AGBL1: variants seen among roughly 807,000 people sequenced by gnomAD.
AGBL1 encodes cytosolic carboxypeptidase 4.
AGBL1 carries 130 observed loss-of-function variants against 118.9 expected under a neutral mutation model. The observed-to-expected ratio is 1.09, with a 90% CI of 0.95 to 1.26. The LOEUF is 1.26. Ranked by LOEUF, AGBL1 falls within the 50% of genes most tolerant of loss-of-function variation. The pLI, the probability that AGBL1 is intolerant of heterozygous loss-of-function variation, is 0.00. For synonymous variants in AGBL1, 555 were observed against 478.9 expected (o/e 1.16, Z -2.08); for missense variants, 1,584 against 1,298.1 (o/e 1.22, Z -3.38).
At chr15:86,885,528 C>T (rs1342719205) in intron 22 of AGBL1, among the ~76,000 whole-genome samples, 1 of 152,128 alleles carries the variant, frequency 6.6e-6, no homozygotes, top group Non-Finnish European at 1.5e-5. Flanking sequence ...ATTTAATAAA[C>T]ATAAATGCTT....
chr15:86,836,498 A>G (rs1947687451), intron 22 of AGBL1, among the ~76,000 whole-genome samples: 1 of 152,198 alleles, frequency 6.6e-6, no homozygotes, highest in South Asian at 2.1e-4. Flanking sequence ...CTTACCTTTC[A>G]GATTCTACTT....
At chr15:86,478,089 A>G (rs1371559875) in intron 18 of AGBL1, among the ~76,000 whole-genome samples, 2 of 152,154 alleles carry the variant, frequency 1.3e-5, no homozygotes, top group African/African-American at 2.4e-5. Flanking sequence ...TCTCAAAATA[A>G]TAAGAGCTAT....
chr15:86,560,545 G>A (rs2083802350), intron 21 of AGBL1, among the ~76,000 whole-genome samples: 1 of 152,172 alleles, frequency 6.6e-6, no homozygotes, highest in East Asian at 1.9e-4. Flanking sequence ...ATCATTGATG[G>A]ACATTTGGGT....
chr15:86,474,765 A>T (rs958208638), intron 18 of AGBL1, among the ~76,000 whole-genome samples: 1 of 152,226 alleles, frequency 6.6e-6, no homozygotes, highest in Non-Finnish European at 1.5e-5. Flanking sequence ...CTGAGAACGG[A>T]CAGACTGCCT....
intron 19 of AGBL1, among the ~76,000 whole-genome samples, chr15:86,543,455 G>A (rs771519011): frequency 3.3e-5 from 5 of 152,070 alleles, no homozygotes; most frequent in East Asian, 1.9e-4. Context: ...TTTTACTGTC[G>A]TGTGTTTCAT....
intron 7 of AGBL1, among the ~76,000 whole-genome samples, chr15:86,248,513 A>T (rs2078757592): frequency 6.6e-6 from 1 of 152,190 alleles, no homozygotes; most frequent in African/African-American, 2.4e-5. Flanking sequence ...AAGTCACTCA[A>T]CTTCTCTGGG....
intron 24 of AGBL1, among the ~76,000 whole-genome samples, chr15:87,007,500 A>G (rs543270686): frequency 2.0e-5 from 3 of 152,328 alleles, no homozygotes; most frequent in South Asian, 2.1e-4. Context: ...TCTTTACAAA[A>G]CAACATACTT....
intron 21 of AGBL1, among the ~76,000 whole-genome samples, chr15:86,603,975 A>G (rs2084535530): frequency 6.6e-6 from 1 of 152,148 alleles, no homozygotes; most frequent in African/African-American, 2.4e-5. Flanking sequence ...CTAGAGACAG[A>G]ACTATTGAGC....
At chr15:86,163,552 A>G (rs2077296212) in intron 5 of AGBL1, among the ~76,000 whole-genome samples, 1 of 151,934 alleles carries the variant, frequency 6.6e-6, no homozygotes, top group African/African-American at 2.4e-5. Flanking sequence ...ACGTGATGAA[A>G]CCCTATCTCT....
intron 24 of AGBL1, among the ~76,000 whole-genome samples, chr15:87,016,121 T>C (rs2081605912): frequency 6.6e-6 from 1 of 152,208 alleles, no homozygotes; most frequent in Admixed American, 6.5e-5. Context: ...ATGCTTTCCA[T>C]ATCACGTCAT....
intron 17 of AGBL1, among the ~76,000 whole-genome samples, chr15:86,349,235 T>G (rs1451379922): frequency 3.3e-5 from 5 of 152,240 alleles, no homozygotes. Context: ...ATAAAGCCAT[T>G]GTTTTAAGCC....
At chr15:86,565,652 C>T (rs777511948) in intron 21 of AGBL1, among the ~76,000 whole-genome samples, 3 of 152,240 alleles carry the variant, frequency 2.0e-5, no homozygotes, top group Non-Finnish European at 4.4e-5. Context: ...CTACTGTCTT[C>T]AATGCTGTCA....
intron 6 of AGBL1, among the ~76,000 whole-genome samples, chr15:86,226,407 A>G (rs542478721): frequency 6.6e-6 from 1 of 152,282 alleles, no homozygotes; most frequent in African/African-American, 2.4e-5. Flanking sequence ...CCCCCAGCCC[A>G]GCCTTGGCAT....
rs551971329 is a variant in AGBL1 at position 86,894,018 on chromosome 15, T to G, written c.3159-13069T>G. ...ACTTATCTGACTCTAATTTTATGTT[T>G]TGTTTCTGATTTATATTTTGCCCCT... is the stretch of plus-strand genomic sequence containing the variant. On this transcript the variant is annotated intron_variant, in intron 22 of 22. Coordinates refer to ENST00000614907, the MANE Select transcript of AGBL1 (RefSeq NM_001386094.1). 2.0e-5 allele frequency among the ~76,000 whole-genome samples: 3 copies of G among 152,300 alleles called. No individual in the cohort carries two copies. In the South Asian group the frequency reaches 6.2e-4, roughly 32 times the overall value.
intron 22 of AGBL1, among the ~76,000 whole-genome samples, chr15:86,773,496 TC>T (rs1277706072): frequency 5.3e-5 from 5 of 94,366 alleles, no homozygotes; most frequent in Admixed American, 2.6e-4. Flanking sequence ...ATGCTATCCC[TC>T]CCCCCTCCCC....
At chr15:86,418,742 C>T (rs1057052593) in intron 18 of AGBL1, among the ~76,000 whole-genome samples, 10 of 152,146 alleles carry the variant, frequency 6.6e-5, no homozygotes, top group Admixed American at 3.9e-4. Context: ...ATTCAGACTT[C>T]CCACAGGCAC....
chr15:86,528,197 C>T (rs565302647), intron 19 of AGBL1, among the ~76,000 whole-genome samples: 20 of 152,268 alleles, frequency 1.3e-4, no homozygotes, highest in East Asian at 7.7e-4. Flanking sequence ...TCTGAGGTAC[C>T]GGGTTCATCT....
At chr15:86,989,027 A>C (rs188394125) in intron 24 of AGBL1, among the ~76,000 whole-genome samples, 4 of 128,282 alleles carry the variant, frequency 3.1e-5, no homozygotes, top group Non-Finnish European at 1.6e-5. Context: ...TAAGAGTCAG[A>C]GTCTTGCTCT....
chr15:86,822,969 G>T (rs2078962290), intron 22 of AGBL1, among the ~76,000 whole-genome samples: 1 of 152,096 alleles, frequency 6.6e-6, no homozygotes, highest in African/African-American at 2.4e-5. Flanking sequence ...CCTAATATTG[G>T]GGTTAAACAG....
Sources: gnomAD v4.1 joint callset for allele counts (sites outside exome capture counted in the v4.1 genomes callset) on GRCh38, gnomAD v4.1.1 for gene constraint, MANE v1.5 for transcripts, NCBI Gene and HGNC (gene_info 2026-07-23, HGNC 2026-07-21) for gene names.